Variants in SLC22A8 observed in about 807,000 individuals in gnomAD.
SLC22A8 encodes the protein solute carrier family 22 member 8.
A neutral mutation model predicts 48.4 loss-of-function variants in SLC22A8; 40 were observed. The ratio of observed to expected loss-of-function variants is 0.83; its 90% CI spans 0.64 to 1.08. The LOEUF is 1.08. SLC22A8 is among the 50% of genes least tolerant of loss of function. SLC22A8 has a pLI of 0.00. For synonymous variants in SLC22A8, 268 were observed against 286.3 expected, an observed-to-expected ratio of 0.94 and a Z score of 0.65; for missense variants, 606 against 699.0, an observed-to-expected ratio of 0.87 and a Z score of 1.50.
chr11:63,014,037 G>C (rs1431825257), intron 2 of SLC22A8, among the ~76,000 whole-genome samples: 1 of 152,172 alleles, frequency 6.6e-6, no homozygotes, highest in Non-Finnish European at 1.5e-5. Context: ...GCTGTGGAGT[G>C]TTTCAAGCCT....
At chr11:63,003,935 A>G (rs955969658) in intron 2 of SLC22A8, among the ~76,000 whole-genome samples, 1 of 152,128 alleles carries the variant, frequency 6.6e-6, no homozygotes, top group South Asian at 2.1e-4. Context: ...ACACTTCAAT[A>G]TTTTTCGAGC....
At chr11:62,994,051 T>G (rs2086378670) in intron 8 of SLC22A8, 173 bp from the exon 9 acceptor site, 1 of 611,960 alleles carries the variant, frequency 1.6e-6, no homozygotes. Flanking sequence ...TGTTTTCCCC[T>G]GCCTCTGATC....
chr11:63,008,269 G>A (rs1446078888), intron 2 of SLC22A8, among the ~76,000 whole-genome samples: 1 of 152,358 alleles, frequency 6.6e-6, no homozygotes, highest in Middle Eastern at 3.4e-3. Context: ...ATGATCAGCA[G>A]GATGGGGCCC....
intron 2 of SLC22A8, among the ~76,000 whole-genome samples, chr11:63,013,903 G>A (rs1044285379): frequency 3.3e-5 from 5 of 152,150 alleles, no homozygotes; most frequent in South Asian, 2.1e-4. Flanking sequence ...TGAAGAGTCT[G>A]ATTTAACTCT....
At chr11:63,012,346 T>C (rs994153617) in intron 2 of SLC22A8, among the ~76,000 whole-genome samples, 1 of 152,008 alleles carries the variant, frequency 6.6e-6, no homozygotes, top group African/African-American at 2.4e-5. Flanking sequence ...CACTCTTCCT[T>C]TTGCCTGGGG....
rs2086658140 is a variant in SLC22A8 at position 63,014,929 on chromosome 11, C to T, written c.30G>A (p.Val10=). MTFSEILDR[V]GSMGHFQFLH... ...GGAACTGGAAATGGCCCATGCTTCC[C>T]ACACGGTCCAGGATCTCCGAGAAGG... The change falls in exon 2 of 11, where the codon GTG becomes GTA. Residue 10 remains valine, a synonymous_variant. Transcript: ENST00000336232. 3 of 1,566,630 alleles carry T rather than the reference C, an allele frequency of 1.9e-6. No individual in the cohort carries two copies. Among genetic ancestry groups the T allele is most frequent in the Admixed American group, 3.5e-5 (2 of 57,340 alleles).
At chr11:63,000,220 A>T (rs962190468) in intron 3 of SLC22A8, among the ~76,000 whole-genome samples, 3 of 152,140 alleles carry the variant, frequency 2.0e-5, no homozygotes, top group Admixed American at 1.3e-4. Flanking sequence ...ACGGTGGTTC[A>T]TGCCTGTAAT....
In SLC22A8 at chr11:63,014,884, G is replaced by A. The variant is rs1408931880; in HGVS notation, c.75C>T (p.Gly25=). 2 of 1,603,652 alleles carry A rather than the reference G, an allele frequency of 1.2e-6. No homozygotes were observed. The highest frequency in any genetic ancestry group is 2.7e-5 in the African/African-American group (2 of 74,916). Residue 25 remains glycine, a synonymous_variant, in exon 2 of 11, where the codon GGC becomes GGT. Coordinates refer to ENST00000336232, the MANE Select transcript of SLC22A8 (RefSeq NM_004254.4). Reference sequence around the variant, plus strand: ...GGTTGGCCATGTTGAGGATCGGGAGGCCCAGTATGGCTACATGCAGGAACT... The same window carrying A: ...GGTTGGCCATGTTGAGGATCGGGAGACCCAGTATGGCTACATGCAGGAACT... ...HFQFLHVAIL[G]LPILNMANHN...
At chr11:63,001,346 T>C (rs1289322295) in intron 2 of SLC22A8, among the ~76,000 whole-genome samples, 1 of 152,132 alleles carries the variant, frequency 6.6e-6, no homozygotes, top group East Asian at 1.9e-4. Flanking sequence ...TCACTCCATT[T>C]CTCTCTTCCC....
intron 7 of SLC22A8, chr11:62,995,446 G>A (rs1003213361): frequency 1.3e-5 from 7 of 537,688 alleles, no homozygotes; most frequent in Admixed American, 3.3e-5. Context: ...GCTGGGGAAG[G>A]GGCCTGGAAC....
intron 2 of SLC22A8, among the ~76,000 whole-genome samples, chr11:63,009,025 G>A (rs117703343): frequency 6.3e-4 from 96 of 152,252 alleles, no homozygotes; most frequent in Non-Finnish European, 1.1e-3. Context: ...GGGCTTTCTC[G>A]GTCAGGGCTG....
chr11:63,014,104 C>T (rs186220281), intron 2 of SLC22A8, among the ~76,000 whole-genome samples: 15 of 152,248 alleles, frequency 9.9e-5, no homozygotes, highest in South Asian at 2.1e-4. Flanking sequence ...TTGCACAAGA[C>T]GGACTTTTCC....
chr11:63,000,869 C>A (rs1390606360), intron 2 of SLC22A8, 46 bp from the exon 3 acceptor site: 1 of 1,461,768 alleles, frequency 6.8e-7, no homozygotes, highest in Non-Finnish European at 9.6e-7. Flanking sequence ...TGTAGACAGC[C>A]TGCTCAGCCA....
At chr11:62,995,347 C>T in intron 7 of SLC22A8, 1 of 347,890 alleles carries the variant, frequency 2.9e-6, no homozygotes, top group Non-Finnish European at 5.3e-6. Context: ...TCTAGCCTTG[C>T]TCTGTGGGGT....
intron 3 of SLC22A8, 99 bp from the exon 4 acceptor site, chr11:62,999,941 C>A (rs2086471725): frequency 9.7e-7 from 1 of 1,030,258 alleles, no homozygotes; most frequent in Non-Finnish European, 1.3e-6. Context: ...ATCCGACCCC[C>A]AACCTTTCCC....
intron 2 of SLC22A8, among the ~76,000 whole-genome samples, chr11:63,007,082 CAA>C (rs1442158248): frequency 6.6e-6 from 1 of 152,272 alleles, no homozygotes; most frequent in African/African-American, 2.4e-5. Context: ...GATTATTACT[CAA>C]AGTGTTGAGT....
intron 2 of SLC22A8, 186 bp from the exon 3 acceptor site, chr11:63,001,009 C>A: frequency 1.7e-6 from 1 of 572,218 alleles, no homozygotes; most frequent in Admixed American, 2.8e-5. Flanking sequence ...GCTCTTCGGC[C>A]CCTGACCTGC....
At position 62,995,728 on chromosome 11, in the gene SLC22A8, A is replaced by G. The variant is rs1377867614; in HGVS notation, c.977T>C (p.Met326Thr). 2 of 1,614,066 alleles carry G rather than the reference A, an allele frequency of 1.2e-6. No individual in the cohort carries two copies. The highest frequency in any genetic ancestry group is 1.7e-6 in the Non-Finnish European group (2 of 1,179,918). Residue 326 changes from methionine to threonine, a missense_variant, in exon 7 of 11, where the codon ATG (methionine) becomes ACG (threonine). Met to Thr is a moderately conservative substitution (Grantham distance 81). Coordinates refer to ENST00000336232, the MANE Select transcript of SLC22A8 (RefSeq NM_004254.4). ...CCAGGCCAGGGAAAGACAGAAGGTC[A>G]TGCGGCGCAGCATGGGTATCCGGAA... Reference protein sequence around the residue: ...DLFRIPMLRRMTFCLSLAWFA... With the variant: ...DLFRIPMLRRTTFCLSLAWFA...
intron 2 of SLC22A8, among the ~76,000 whole-genome samples, chr11:63,013,428 G>T (rs954967093): frequency 6.6e-6 from 1 of 152,168 alleles, no homozygotes. Context: ...TAAGGGCTTT[G>T]CAACGAACGC....
Sources: allele counts gnomAD v4.1 joint callset (sites outside exome capture counted in the v4.1 genomes callset), GRCh38; gene constraint gnomAD v4.1.1; transcripts MANE v1.5; gene names NCBI Gene and HGNC (gene_info 2026-07-23, HGNC 2026-07-21).